The following COL23A1 variants were observed in gnomAD, a reference collection of about 807,000 sequenced individuals.
COL23A1 encodes the protein collagen type XXIII alpha 1 chain.
In COL23A1, 97 loss-of-function variants were observed where a neutral mutation model predicts 99.3. The observed-to-expected ratio is 0.98, with a 90% confidence interval of 0.83 to 1.16. The LOEUF is 1.16. COL23A1 is among the 50% of genes most tolerant of loss of function. COL23A1 has a pLI of 0.00. For missense variants in COL23A1, 762 were observed against 757.4 expected (o/e 1.01, Z -0.07); for synonymous variants, 320 against 308.2 (o/e 1.04, Z -0.40).
At chr5:178,372,307 C>T (rs908537524) in intron 2 of COL23A1, among the ~76,000 whole-genome samples, 8 of 152,200 alleles carry the variant, frequency 5.3e-5, no homozygotes, top group Non-Finnish European at 1.0e-4. Context: ...GGCAGGAGCG[C>T]CGTTTCCTCC....
At chr5:178,551,616 A>C (rs989353914) in intron 2 of COL23A1, among the ~76,000 whole-genome samples, 1 of 152,108 alleles carries the variant, frequency 6.6e-6, no homozygotes, top group Non-Finnish European at 1.5e-5. Context: ...CACATGACCC[A>C]GTGCCTCTCA....
chr5:178,397,113 C>T (rs2127758963), intron 2 of COL23A1, among the ~76,000 whole-genome samples: 1 of 152,352 alleles, frequency 6.6e-6, no homozygotes, highest in East Asian at 1.9e-4. Flanking sequence ...CCAGGAAGGG[C>T]TGTGCTGGGC....
Position 178,255,156 on chromosome 5 carries a change from G to T in COL23A1, c.883-130C>A, listed in dbSNP as rs1391998127. ...GCCTCGTCACCCAGGCTGCACGCAT[G>T]CCCCTCCCCAGGGTGGATGGAGGGA... On this transcript the variant is annotated intron_variant, in intron 15 of 28. Transcript: ENST00000390654. The surrounding 1 kb of genome is among the most constrained non-coding windows in gnomAD (Gnocchi z 4.2). The T allele has an allele frequency of 8.1e-6, 6 of 742,752 alleles. No individual in the cohort carries two copies. Among genetic ancestry groups the T allele is most frequent in the Non-Finnish European group, 1.4e-5 (6 of 430,860 alleles). The allele number at this position is 742,752 out of a possible 1,614,324, so 46.0% of individuals were successfully genotyped here.
In COL23A1 at chr5:178,453,022, G is replaced by C. The variant is rs561536652; in HGVS notation, c.361+107660C>G. On this transcript the variant is annotated intron_variant, in intron 2 of 28. Coordinates refer to ENST00000390654, the MANE Select transcript of COL23A1 (RefSeq NM_173465.4). ...CACAACTGGAATGCCCATGAGCAGA[G>C]GTCTGGTTAAAGAAACCAGGGCACA... Among the ~76,000 whole-genome samples, 4 of 152,282 alleles carry C rather than the reference G, an allele frequency of 2.6e-5. No homozygotes were observed. In the South Asian group the frequency reaches 8.3e-4, roughly 32 times the overall value.
intron 17 of COL23A1, among the ~76,000 whole-genome samples, chr5:178,252,185 G>A (rs1436106672): frequency 6.6e-6 from 1 of 152,104 alleles, no homozygotes; most frequent in Non-Finnish European, 1.5e-5. Context: ...AAAGTGCTGG[G>A]ATTTACAGGT....
intron 2 of COL23A1, among the ~76,000 whole-genome samples, chr5:178,318,484 T>C (rs1406889895): frequency 6.6e-6 from 1 of 152,182 alleles, no homozygotes; most frequent in Non-Finnish European, 1.5e-5. Context: ...CCCCTCAGCG[T>C]GCCTGAGACT....
chr5:178,326,444 T>C (rs1195174187), intron 2 of COL23A1, among the ~76,000 whole-genome samples: 3 of 149,976 alleles, frequency 2.0e-5, no homozygotes, highest in African/African-American at 4.9e-5. Context: ...ACGAGAGTGC[T>C]TGTGGATTCT....
In COL23A1 at chr5:178,578,233, C is replaced by A. The variant is rs576815989; in HGVS notation, c.294+11671G>T. Among the ~76,000 whole-genome samples the A allele has an allele frequency of 6.4e-4, 97 of 152,078 alleles. 1 individual carries two copies. Among genetic ancestry groups the A allele is most frequent in the African/African-American group, 2.1e-3 (86 of 41,478 alleles). On this transcript the variant is annotated intron_variant, in intron 1 of 28. Coordinates refer to ENST00000390654, the MANE Select transcript of COL23A1 (RefSeq NM_173465.4). ...ATGTACACACACATATGCACACATGCATACTCCTGGCACACACGTGCACAC... is the reference window on the plus strand; with the variant it reads ...ATGTACACACACATATGCACACATGAATACTCCTGGCACACACGTGCACAC...
At chr5:178,469,103 A>ACG (rs1422788026) in intron 2 of COL23A1, among the ~76,000 whole-genome samples, 1 of 152,238 alleles carries the variant, frequency 6.6e-6, no homozygotes, top group Non-Finnish European at 1.5e-5. Flanking sequence ...CTGAAAGCTG[A>ACG]ACCGCATCCT....
At chr5:178,533,326 A>T (rs981546234) in intron 2 of COL23A1, among the ~76,000 whole-genome samples, 8 of 152,148 alleles carry the variant, frequency 5.3e-5, no homozygotes, top group African/African-American at 1.9e-4. Context: ...ATCCACACGG[A>T]AACTTTGTGC....
At chr5:178,457,240 GTT>G (rs1489982408) in intron 2 of COL23A1, among the ~76,000 whole-genome samples, 1 of 152,144 alleles carries the variant, frequency 6.6e-6, no homozygotes, top group Non-Finnish European at 1.5e-5. Flanking sequence ...TTGAGACAGA[GTT>G]TCACTCTGTC....
At chr5:178,424,481 G>C (rs1443444369) in intron 2 of COL23A1, among the ~76,000 whole-genome samples, 1 of 152,238 alleles carries the variant, frequency 6.6e-6, no homozygotes, top group Non-Finnish European at 1.5e-5. Context: ...CGGACAGACA[G>C]TAAAATGTGC....
intron 2 of COL23A1, among the ~76,000 whole-genome samples, chr5:178,498,487 T>A (rs1758354801): frequency 6.6e-6 from 1 of 151,384 alleles, no homozygotes; most frequent in Admixed American, 6.6e-5. Flanking sequence ...TTAAGTTTAC[T>A]TCAATAAAAA....
intron 2 of COL23A1, among the ~76,000 whole-genome samples, chr5:178,536,286 G>A (rs1474351600): frequency 2.0e-5 from 3 of 152,266 alleles, no homozygotes; most frequent in African/African-American, 4.8e-5. Flanking sequence ...AAGAGATGGA[G>A]ACAACAGCAC....
chr5:178,471,660 C>T (rs889224451), intron 2 of COL23A1, among the ~76,000 whole-genome samples: 4 of 152,298 alleles, frequency 2.6e-5, no homozygotes, highest in African/African-American at 9.6e-5. Context: ...GGACCTGCCT[C>T]TCCCTATCAA....
Position 178,307,115 on chromosome 5 carries a change from G to A in COL23A1, c.362-196C>T, listed in dbSNP as rs565555627. ...CTTCTGCCACTACCTCGCCTGTTCC[G>A]CCAACCCCCCTCCCCAGGTGGCCGC... On this transcript the variant is annotated intron_variant, in intron 2 of 28. Coordinates refer to ENST00000390654, the MANE Select transcript of COL23A1 (RefSeq NM_173465.4). This position sits in a 1 kb window ranked among gnomAD's most constrained non-coding sequence, Gnocchi z 4.2. Among the ~76,000 whole-genome samples, 4 of 152,046 alleles carry A rather than the reference G, an allele frequency of 2.6e-5. No individual in the cohort carries two copies. Among genetic ancestry groups the A allele is most frequent in the South Asian group, 2.1e-4 (1 of 4,820 alleles).
chr5:178,451,594 T>A (rs1165202224), intron 2 of COL23A1, among the ~76,000 whole-genome samples: 2 of 147,386 alleles, frequency 1.4e-5, no homozygotes, highest in African/African-American at 5.1e-5. Context: ...GAGGCAGAGG[T>A]TGCAGTGAGC....
At chr5:178,246,727 GC>G (rs1764718115) in intron 22 of COL23A1, among the ~76,000 whole-genome samples, 2 of 29,604 alleles carry the variant, frequency 6.8e-5, no homozygotes, top group South Asian at 2.7e-3. Flanking sequence ...CAGACGGGGG[GC>G]GGGGGGGGGG....
chr5:178,266,615 T>C (rs1266761349), intron 8 of COL23A1, among the ~76,000 whole-genome samples: 2 of 152,170 alleles, frequency 1.3e-5, no homozygotes, highest in Non-Finnish European at 2.9e-5. Context: ...AAACTCAGCA[T>C]GAGCGCCCTT....
Sources: allele counts gnomAD v4.1 joint callset (sites outside exome capture counted in the v4.1 genomes callset), GRCh38; gene constraint gnomAD v4.1.1; non-coding constraint Gnocchi (gnomAD v3.1); transcripts MANE v1.5; gene names NCBI Gene and HGNC (gene_info 2026-07-23, HGNC 2026-07-21).